Variants in CECR2 observed in about 807,000 individuals in gnomAD.
CECR2 encodes CECR2 histone acetyl-lysine reader.
Under a neutral mutation model 154.5 loss-of-function variants are expected in CECR2, and 30 were observed. That is an observed-to-expected ratio of 0.19 (90% CI 0.15 to 0.26). The LOEUF is 0.26. Ranked by LOEUF, CECR2 falls within the 10% of genes least tolerant of loss-of-function variation. The pLI, the probability that CECR2 is intolerant of heterozygous loss-of-function variation, is 1.00. For synonymous variants in CECR2, 725 were observed against 683.7 expected (o/e 1.06, Z -0.94); for missense variants, 1,743 against 1,829.3 (o/e 0.95, Z 0.86).
chr22:17,456,781 A>G (rs1180253828), intron 1 of CECR2, among the ~76,000 whole-genome samples: 1 of 152,232 alleles, frequency 6.6e-6, no homozygotes, highest in Non-Finnish European at 1.5e-5. Context: ...GAGATGGACT[A>G]AAATAAATTC....
At chr22:17,479,733 G>A (rs1485909297) in intron 2 of CECR2, among the ~76,000 whole-genome samples, 1 of 151,078 alleles carries the variant, frequency 6.6e-6, no homozygotes, top group Non-Finnish European at 1.5e-5. Context: ...AAGAAATGTG[G>A]GCAAAATTGA....
intron 1 of CECR2, among the ~76,000 whole-genome samples, chr22:17,393,311 G>C (rs779279698): frequency 2.0e-5 from 3 of 152,082 alleles, no homozygotes; most frequent in Non-Finnish European, 2.9e-5. Flanking sequence ...TTAGCATAAT[G>C]TTTTTAGGTT....
chr22:17,403,418 C>G (rs1420461079), intron 1 of CECR2, among the ~76,000 whole-genome samples: 1 of 151,992 alleles, frequency 6.6e-6, no homozygotes, highest in Non-Finnish European at 1.5e-5. Flanking sequence ...TTCTTTTTTT[C>G]TTGGACAAAT....
chr22:17,457,361 G>A (rs1281598429), intron 1 of CECR2, among the ~76,000 whole-genome samples: 1 of 152,128 alleles, frequency 6.6e-6, no homozygotes, highest in Non-Finnish European at 1.5e-5. Flanking sequence ...CTCTGTCTAG[G>A]CCTTTCTGAA....
At position 17,369,867 on chromosome 22, in the gene CECR2, G is replaced by T. The variant is rs2063033675; in HGVS notation, c.84G>T (p.Ser28=). ...WEVPAIAHFC[S]LFRTAFRLPD... is the part of the protein sequence containing the mutation. The stretch of plus-strand genomic sequence containing the variant: ...TCCCGGCCATCGCGCACTTCTGCTC[G>T]CTCTTTCGCACCGCGTTCCGCCTGC... Residue 28 remains serine, a synonymous_variant, in exon 1 of 19, where the codon TCG becomes TCT. Coordinates refer to ENST00000262608, the MANE Select transcript of CECR2 (RefSeq NM_001290047.2). 6.6e-6 allele frequency: 1 copy of T among 151,168 alleles called. No individual in the cohort carries two copies. The highest frequency in any genetic ancestry group is 2.4e-5 in the African/African-American group (1 of 41,322). 9.4% of individuals were successfully genotyped at this position (151,168 alleles called of 1,614,324 possible).
At chr22:17,454,513 G>A in intron 1 of CECR2, among the ~76,000 whole-genome samples, 1 of 151,462 alleles carries the variant, frequency 6.6e-6, no homozygotes, top group East Asian at 1.9e-4. Flanking sequence ...GCTGAGGCAG[G>A]AGAATGGCAT....
rs758675309 is a variant in CECR2, at chr22:17,539,153, T to C, written c.1495+34T>C. 2.8e-5 allele frequency: 45 copies of C among 1,606,198 alleles called. 1 individual carries two copies. The Middle Eastern group carries it at 8.2e-4, about 29-fold the overall frequency. ...GGAAGGAGTTTGTGCTAGATACATA[T>C]CTGTAATCAAGAATAAAATGCCTTC... On this transcript the variant is annotated intron_variant, in intron 13 of 18. Transcript: ENST00000262608.
At chr22:17,509,322 A>G (rs2055899922) in intron 7 of CECR2, among the ~76,000 whole-genome samples, 1 of 152,126 alleles carries the variant, frequency 6.6e-6, no homozygotes, top group South Asian at 2.1e-4. Context: ...TGGTATGTGG[A>G]AGAGTCAGGA....
chr22:17,370,370 C>T (rs188659241), intron 1 of CECR2, among the ~76,000 whole-genome samples: 6,683 of 148,894 alleles, frequency 0.045, 181 homozygotes, highest in African/African-American at 0.064. Context: ...GAGTCGGCCG[C>T]GGCCGGCGGG....
intron 9 of CECR2, among the ~76,000 whole-genome samples, chr22:17,530,377 A>AG (rs1308098389): frequency 1.3e-5 from 2 of 151,894 alleles, no homozygotes; most frequent in Non-Finnish European, 2.9e-5. Flanking sequence ...AAGTGGATTA[A>AG]GAAAAAAAAA....
chr22:17,367,166 A>AGC (rs747603638), upstream of CECR2, among the ~76,000 whole-genome samples: 3 of 152,134 alleles, frequency 2.0e-5, no homozygotes, highest in Non-Finnish European at 4.4e-5. Context: ...ACAATGGCTC[A>AGC]GCCTTTAAAT....
chr22:17,470,572 TC>T (rs1359207553), intron 1 of CECR2, among the ~76,000 whole-genome samples: 1 of 152,044 alleles, frequency 6.6e-6, no homozygotes, highest in African/African-American at 2.4e-5. Flanking sequence ...ACCTTTTATC[TC>T]CCCTATTTCT....
intron 1 of CECR2, among the ~76,000 whole-genome samples, chr22:17,453,087 G>A (rs1304261212): frequency 6.6e-6 from 1 of 152,156 alleles, no homozygotes; most frequent in Non-Finnish European, 1.5e-5. Context: ...TACATTGTAT[G>A]AATGAATATA....
chr22:17,382,816 G>A (rs999352125), intron 1 of CECR2, among the ~76,000 whole-genome samples: 4 of 152,114 alleles, frequency 2.6e-5, no homozygotes, highest in Non-Finnish European at 2.9e-5. Context: ...GAGATGGGAG[G>A]ATCGCTTGAG....
intron 3 of CECR2, among the ~76,000 whole-genome samples, chr22:17,499,176 A>C (rs1322706757): frequency 6.6e-6 from 1 of 151,236 alleles, no homozygotes; most frequent in African/African-American, 2.4e-5. Context: ...TTTTTAGTAG[A>C]GGTGGGGTTT....
At chr22:17,412,401 C>T (rs2054080588) in intron 1 of CECR2, among the ~76,000 whole-genome samples, 1 of 152,184 alleles carries the variant, frequency 6.6e-6, no homozygotes, top group South Asian at 2.1e-4. Flanking sequence ...ATTCCCCGCC[C>T]CACCCCCACA....
chr22:17,553,061 T>G lies in CECR2; in HGVS notation c.*221T>G. 161 of 1,072,464 alleles carry G rather than the reference T, an allele frequency of 1.5e-4. No individual in the cohort carries two copies. The highest frequency in any genetic ancestry group is 1.7e-4 in the Non-Finnish European group (142 of 814,690). The allele number at this position is 1,072,464 out of a possible 1,614,324, so 66.4% of individuals were successfully genotyped here. On this transcript the variant is annotated 3_prime_UTR_variant, in exon 19 of 19. Transcript: ENST00000262608. ...GCAAAGGTCCTCGGCCAGGGATCTCTTGCACAGCTGATGTAGACAGTCAGG... is the reference window on the plus strand; with the variant it reads ...GCAAAGGTCCTCGGCCAGGGATCTCGTGCACAGCTGATGTAGACAGTCAGG...
At chr22:17,541,566 G>A (rs973084410) in intron 14 of CECR2, among the ~76,000 whole-genome samples, 1 of 152,172 alleles carries the variant, frequency 6.6e-6, no homozygotes, top group African/African-American at 2.4e-5. Context: ...GGGGAGAAAC[G>A]GCTAAAATGG....
intron 1 of CECR2, among the ~76,000 whole-genome samples, chr22:17,445,514 A>G (rs996920529): frequency 6.6e-6 from 1 of 150,784 alleles, no homozygotes; most frequent in South Asian, 2.1e-4. Context: ...TAGTATTTAC[A>G]TATAACCTAT....
Sources: allele counts gnomAD v4.1 joint callset (sites outside exome capture counted in the v4.1 genomes callset), GRCh38; gene constraint gnomAD v4.1.1; transcripts MANE v1.5; gene names NCBI Gene and HGNC (gene_info 2026-07-23, HGNC 2026-07-21).